SEMA6D: variants seen among roughly 807,000 people sequenced by gnomAD.
SEMA6D encodes semaphorin-6D.
Under a neutral mutation model 106.6 loss-of-function variants are expected in SEMA6D, and 35 were observed. That is an observed-to-expected ratio of 0.33 (90% CI 0.25 to 0.44). The LOEUF is 0.44. SEMA6D is among the 20% of genes least tolerant of loss of function. The pLI, the probability that SEMA6D is intolerant of heterozygous loss-of-function variation, is 1.00. For synonymous variants in SEMA6D, 499 were observed against 487.7 expected (o/e 1.02, Z -0.31); for missense variants, 1,185 against 1,345.9 (o/e 0.88, Z 1.87).
chr15:47,413,387 A>G (rs952214380), intron 2 of SEMA6D, among the ~76,000 whole-genome samples: 1 of 152,132 alleles, frequency 6.6e-6, no homozygotes, highest in African/African-American at 2.4e-5. Context: ...TACCCATTCC[A>G]TTACCATCTT....
At chr15:47,525,181 G>A (rs1431676596) in intron 3 of SEMA6D, 2 of 152,164 alleles carry the variant, frequency 1.3e-5, no homozygotes, top group Non-Finnish European at 2.9e-5. Flanking sequence ...GGATCAATGA[G>A]ACTAGATATT....
At chr15:47,296,918 T>G (rs1444638583) in intron 1 of SEMA6D, among the ~76,000 whole-genome samples, 1 of 152,170 alleles carries the variant, frequency 6.6e-6, no homozygotes, top group East Asian at 1.9e-4. Context: ...CTAAACATCA[T>G]CTTTACATTT....
chr15:47,505,521 TAC>T (rs1375104580), intron 3 of SEMA6D, among the ~76,000 whole-genome samples: 1 of 152,178 alleles, frequency 6.6e-6, no homozygotes, highest in African/African-American at 2.4e-5. Flanking sequence ...TGGCTATGAG[TAC>T]AGTATTAATG....
intron 1 of SEMA6D, among the ~76,000 whole-genome samples, chr15:47,720,511 C>T (rs2079363698): frequency 6.6e-6 from 1 of 151,990 alleles, no homozygotes; most frequent in East Asian, 1.9e-4. Flanking sequence ...ATCCGTTAGT[C>T]CTTAGAGTGA....
intron 3 of SEMA6D, among the ~76,000 whole-genome samples, chr15:47,599,855 T>A (rs552953587): frequency 6.6e-6 from 1 of 152,236 alleles, no homozygotes; most frequent in African/African-American, 2.4e-5. Flanking sequence ...AAAAGAATCC[T>A]AACCTTTTGA....
intron 2 of SEMA6D, among the ~76,000 whole-genome samples, chr15:47,460,915 A>T (rs922764416): frequency 6.6e-5 from 10 of 152,188 alleles, no homozygotes; most frequent in African/African-American, 2.4e-4. Context: ...TACTGTTGGT[A>T]TTTGCCCTAA....
intron 1 of SEMA6D, among the ~76,000 whole-genome samples, chr15:47,303,332 T>A (rs949479006): frequency 6.6e-6 from 1 of 152,226 alleles, no homozygotes; most frequent in Non-Finnish European, 1.5e-5. Flanking sequence ...ACTTGGATGC[T>A]ACATTTCTAA....
chr15:47,261,592 C>T lies in SEMA6D; in HGVS notation c.-239+77174C>T, dbSNP rs569484066. Among the ~76,000 whole-genome samples, 5 of 152,132 alleles carry T rather than the reference C, an allele frequency of 3.3e-5. No individual in the cohort carries two copies. In the South Asian group the frequency reaches 1.0e-3, roughly 32 times the overall value. On this transcript the variant is annotated intron_variant, in intron 1 of 19. Coordinates refer to the SEMA6D transcript ENST00000558014. The stretch of plus-strand genomic sequence containing the variant: ...TAAGTGTATTGACAAATATGTCCAA[C>T]CATAACCACAGTTGATTTTAAAACA...
intron 2 of SEMA6D, among the ~76,000 whole-genome samples, chr15:47,470,294 T>C (rs73388927): frequency 0.045 from 6,779 of 152,232 alleles, 407 homozygotes; most frequent in African/African-American, 0.14. Flanking sequence ...GGATTACTTA[T>C]TAAGTTTTGC....
At chr15:47,492,927 T>C (rs577612611) in intron 3 of SEMA6D, among the ~76,000 whole-genome samples, 19 of 152,224 alleles carry the variant, frequency 1.2e-4, no homozygotes, top group African/African-American at 4.1e-4. Flanking sequence ...CTTTGGGGTA[T>C]TAAATTCTTC....
intron 1 of SEMA6D, among the ~76,000 whole-genome samples, chr15:47,749,636 T>A: frequency 6.6e-6 from 1 of 152,192 alleles, no homozygotes; most frequent in East Asian, 1.9e-4. Context: ...AGGCAAAGTA[T>A]CTTAAGTTCA....
intron 4 of SEMA6D, among the ~76,000 whole-genome samples, chr15:47,702,355 A>C (rs2078829017): frequency 6.6e-6 from 1 of 152,248 alleles, no homozygotes; most frequent in Non-Finnish European, 1.5e-5. Context: ...AAAATTCAGA[A>C]CACTGACAAC....
At chr15:47,594,918 C>T (rs2076506827) in intron 3 of SEMA6D, among the ~76,000 whole-genome samples, 1 of 152,014 alleles carries the variant, frequency 6.6e-6, no homozygotes, top group South Asian at 2.1e-4. Context: ...GGAGTGTGAA[C>T]ACAGGCATTC....
At chr15:47,344,466 G>T (rs1224447952) in intron 1 of SEMA6D, among the ~76,000 whole-genome samples, 1 of 152,162 alleles carries the variant, frequency 6.6e-6, no homozygotes, top group Non-Finnish European at 1.5e-5. Context: ...GGGCCTATGG[G>T]TGCTCCGGCT....
chr15:47,660,049 A>G (rs575155655), intron 4 of SEMA6D, among the ~76,000 whole-genome samples: 9 of 151,434 alleles, frequency 5.9e-5, no homozygotes, highest in African/African-American at 1.7e-4. Flanking sequence ...TTTTTGTATT[A>G]TAGACTCCAC....
intron 1 of SEMA6D, among the ~76,000 whole-genome samples, chr15:47,741,802 A>G (rs1441805761): frequency 2.6e-5 from 4 of 152,304 alleles, no homozygotes; most frequent in South Asian, 2.1e-4. Context: ...AATATTTTCT[A>G]TTTGGGCCTG....
In SEMA6D at chr15:47,771,162, A is replaced by C. The variant is rs1235187125; in HGVS notation, c.2599A>C (p.Arg867=). The C allele has an allele frequency of 1.3e-5, 21 of 1,614,126 alleles. No homozygotes were observed. Among genetic ancestry groups the C allele is most frequent in the Non-Finnish European group, 1.8e-5 (21 of 1,180,006 alleles). ...DHPLTKSSSK[R]DHRRSVDSRN... ...CCCTCTCACAAAGTCATCCAGTAAG[A>C]GAGATCACCGGCGTTCTGTTGATTC... is the stretch of plus-strand genomic sequence containing the variant. Residue 867 remains arginine, a synonymous_variant, in exon 19 of 19, where the codon AGA becomes CGA. Coordinates refer to ENST00000536845, the MANE Select transcript of SEMA6D (RefSeq NM_001358351.3).
intron 1 of SEMA6D, among the ~76,000 whole-genome samples, chr15:47,373,208 T>C (rs2039337169): frequency 6.6e-6 from 1 of 152,166 alleles, no homozygotes; most frequent in African/African-American, 2.4e-5. Context: ...TAAGGTGCCA[T>C]CTCAGGTGCT....
chr15:47,209,642 G>A (rs187041883), intron 1 of SEMA6D, among the ~76,000 whole-genome samples: 21 of 152,272 alleles, frequency 1.4e-4, no homozygotes, highest in Admixed American at 1.2e-3. Context: ...ATTTAAGAAT[G>A]TATACAAATG....
Sources: gnomAD v4.1 joint callset for allele counts (sites outside exome capture counted in the v4.1 genomes callset) on GRCh38, gnomAD v4.1.1 for gene constraint, MANE v1.5 for transcripts, NCBI Gene and HGNC (gene_info 2026-07-23, HGNC 2026-07-21) for gene names.